The following DMXL2 variants were observed in gnomAD, a reference collection of about 807,000 sequenced individuals.
The protein encoded by DMXL2 is Dmx like 2.
A neutral mutation model predicts 331.1 loss-of-function variants in DMXL2; 103 were observed. The observed-to-expected ratio is 0.31, with a 90% confidence interval of 0.27 to 0.37. The LOEUF is 0.37. Ranked by LOEUF, DMXL2 falls within the 10% of genes least tolerant of loss-of-function variation. DMXL2 has a pLI of 1.00. For synonymous variants in DMXL2, 1,281 were observed against 1,252.1 expected, an observed-to-expected ratio of 1.02 and a Z score of -0.49; for missense variants, 3,171 against 3,642.9, an observed-to-expected ratio of 0.87 and a Z score of 3.33.
At chr15:51,478,737 G>A (rs886533608) in intron 25 of DMXL2, among the ~76,000 whole-genome samples, 4 of 151,924 alleles carry the variant, frequency 2.6e-5, no homozygotes, top group South Asian at 4.1e-4. Flanking sequence ...CTTGCCTCAC[G>A]AAATTCGCCT....
chr15:51,582,694 G>A (rs142087960), intron 1 of DMXL2, among the ~76,000 whole-genome samples: 80 of 141,284 alleles, frequency 5.7e-4, no homozygotes, highest in African/African-American at 1.8e-3. Context: ...TCCTTAATAC[G>A]TTCCTGATTA....
intron 6 of DMXL2, among the ~76,000 whole-genome samples, chr15:51,550,286 A>G (rs2049134668): frequency 6.6e-6 from 1 of 152,132 alleles, no homozygotes; most frequent in African/African-American, 2.4e-5. Context: ...TCCCCTCAAG[A>G]AATCTTCTCA....
rs148462886 is a variant in DMXL2 at position 51,473,936 on chromosome 15, C to T, written c.7213+408G>A. ...TAATCTGAAGCCAACTGCTGGTATG[C>T]GCTAAAGATTTTGAACACTTACTTA... On this transcript the variant is annotated intron_variant, in intron 28 of 43. Coordinates refer to ENST00000560891, the MANE Select transcript of DMXL2 (RefSeq NM_001378457.1). 3.7e-3 allele frequency among the ~76,000 whole-genome samples: 558 copies of T among 151,938 alleles called. 4 individuals are homozygous for T. The highest frequency in any genetic ancestry group is 5.7e-3 in the Non-Finnish European group (386 of 67,986).
At chr15:51,488,794 A>G (rs1484475748) in intron 20 of DMXL2, 149 bp from the exon 21 acceptor site, 2 of 603,308 alleles carry the variant, frequency 3.3e-6, no homozygotes, top group Non-Finnish European at 5.7e-6. Context: ...CCAGTAGGTT[A>G]TAATATTAAT....
At chr15:51,473,348 T>C (rs1447747895) in intron 28 of DMXL2, among the ~76,000 whole-genome samples, 2 of 152,350 alleles carry the variant, frequency 1.3e-5, no homozygotes, top group Non-Finnish European at 1.5e-5. Flanking sequence ...GTTTTAAGCA[T>C]GGATGATTTG....
intron 2 of DMXL2, among the ~76,000 whole-genome samples, chr15:51,570,758 C>A (rs374168858): frequency 6.6e-6 from 1 of 152,122 alleles, no homozygotes; most frequent in African/African-American, 2.4e-5. Context: ...TTTGTCACCA[C>A]CAGGCCTTCC....
chr15:51,621,961 A>T (rs2054659635), intron 1 of DMXL2, among the ~76,000 whole-genome samples: 1 of 152,182 alleles, frequency 6.6e-6, no homozygotes, highest in Non-Finnish European at 1.5e-5. Flanking sequence ...CACAGACTCC[A>T]GCAGCTCCTC....
intron 6 of DMXL2, among the ~76,000 whole-genome samples, chr15:51,550,491 T>C (rs2049147508): frequency 6.6e-6 from 1 of 152,176 alleles, no homozygotes; most frequent in Non-Finnish European, 1.5e-5. Flanking sequence ...AAATACTTAA[T>C]GTTTTTTATG....
intron 6 of DMXL2, among the ~76,000 whole-genome samples, chr15:51,560,189 A>G (rs1056328463): frequency 6.6e-6 from 1 of 152,210 alleles, no homozygotes; most frequent in Admixed American, 6.5e-5. Context: ...AAATTTTCCT[A>G]AACAAGATTC....
At chr15:51,453,483 T>C (rs575413040) in intron 41 of DMXL2, 67 bp downstream of exon 41, 5 of 1,206,826 alleles carry the variant, frequency 4.1e-6, no homozygotes, top group Middle Eastern at 2.0e-4. Context: ...AATAGAAAAG[T>C]ATTCTTGCTA....
chr15:51,525,704 C>T (rs766007501), intron 13 of DMXL2, among the ~76,000 whole-genome samples: 1 of 151,914 alleles, frequency 6.6e-6, no homozygotes, highest in African/African-American at 2.4e-5. Flanking sequence ...GGGTGAAGCT[C>T]GTCTGCCTTT....
intron 3 of DMXL2, 85 bp from the exon 4 acceptor site, chr15:51,565,251 T>C: frequency 1.3e-6 from 1 of 789,128 alleles, no homozygotes; most frequent in African/African-American, 1.8e-5. Flanking sequence ...TTTTATCATT[T>C]TCTTCAACTT....
chr15:51,597,807 T>C (rs141635949), intron 1 of DMXL2, among the ~76,000 whole-genome samples: 1 of 152,336 alleles, frequency 6.6e-6, no homozygotes. Flanking sequence ...ACCAGATACA[T>C]GTGAGAGTAA....
chr15:51,486,485 G>C (rs761582486), intron 22 of DMXL2, 148 bp from the exon 23 acceptor site: 103 of 624,350 alleles, frequency 1.6e-4, no homozygotes, highest in South Asian at 1.6e-3. Flanking sequence ...ATTGATAGGA[G>C]ATTAAAGAAT....
chr15:51,483,044 C>T (rs1225430745), intron 23 of DMXL2, among the ~76,000 whole-genome samples: 2 of 152,186 alleles, frequency 1.3e-5, no homozygotes, highest in African/African-American at 4.8e-5. Context: ...AAGAACTTCT[C>T]ATTGCAGAGG....
intron 1 of DMXL2, among the ~76,000 whole-genome samples, chr15:51,611,880 T>C (rs1017116962): frequency 1.3e-5 from 2 of 152,138 alleles, no homozygotes; most frequent in Non-Finnish European, 2.9e-5. Flanking sequence ...GGCATTCTGA[T>C]AGCACAGAAA....
At chr15:51,594,093 C>CA (rs1156434457) in intron 1 of DMXL2, among the ~76,000 whole-genome samples, 4 of 152,002 alleles carry the variant, frequency 2.6e-5, no homozygotes, top group East Asian at 1.9e-4. Context: ...AATAGAGACA[C>CA]AAAAAACCCT....
chr15:51,452,750 C>T (rs2141190081), intron 41 of DMXL2, among the ~76,000 whole-genome samples: 1 of 152,134 alleles, frequency 6.6e-6, no homozygotes, highest in South Asian at 2.1e-4. Context: ...GGGTATCTAC[C>T]CAGAGGAAAA....
intron 13 of DMXL2, among the ~76,000 whole-genome samples, chr15:51,531,660 C>CAACAGGAA (rs2048008332): frequency 6.6e-6 from 1 of 152,084 alleles, no homozygotes; most frequent in African/African-American, 2.4e-5. Flanking sequence ...ATAAGAAGCT[C>CAACAGGAA]AAACAACTCT....
Sources: allele counts gnomAD v4.1 joint callset (sites outside exome capture counted in the v4.1 genomes callset), GRCh38; gene constraint gnomAD v4.1.1; transcripts MANE v1.5; gene names NCBI Gene and HGNC (gene_info 2026-07-23, HGNC 2026-07-21).